COPG1: variants seen among roughly 807,000 people sequenced by gnomAD.
The protein encoded by COPG1 is coatomer subunit gamma-1.
In COPG1, 29 loss-of-function variants were observed where a neutral mutation model predicts 102.8. That is an observed-to-expected ratio of 0.28 (90% CI 0.21 to 0.38). The LOEUF (loss-of-function observed/expected upper bound fraction) is 0.38, where lower values mean the gene tolerates loss of function less well. COPG1 is among the 10% of genes least tolerant of loss of function. The pLI is 1.00. For synonymous variants in COPG1, 406 were observed against 421.6 expected, an observed-to-expected ratio of 0.96 and a Z score of 0.45; for missense variants, 875 against 1,132.7, an observed-to-expected ratio of 0.77 and a Z score of 3.27.
intron 16 of COPG1, 107 bp downstream of exon 16, chr3:129,268,147 GC>G (rs1560067136): frequency 6.2e-6 from 6 of 970,030 alleles, no homozygotes; most frequent in Non-Finnish European, 9.6e-6. Context: ...GGCTGGACTT[GC>G]CTGGCAACCT....
chr3:129,262,252 AAT>A (rs200485510), intron 12 of COPG1, among the ~76,000 whole-genome samples: 223 of 116,434 alleles, frequency 1.9e-3, no homozygotes, highest in African/African-American at 7.9e-3. Context: ...CATCTCTACA[AAT>A]TTTTTTTTTT....
chr3:129,270,484 G>A (rs1940162717), intron 18 of COPG1, among the ~76,000 whole-genome samples: 1 of 152,092 alleles, frequency 6.6e-6, no homozygotes, highest in Non-Finnish European at 1.5e-5. Flanking sequence ...CAGGGAGTAA[G>A]TATCAGGCCC....
chr3:129,277,602 T>TA lies in COPG1; in HGVS notation c.*178_*179insA. 1.7e-5 allele frequency: 1 copy of TA among 58,686 alleles called. No homozygotes were observed. The highest frequency in any genetic ancestry group is 3.0e-5 in the Non-Finnish European group (1 of 33,150). The allele number at this position is 58,686 out of a possible 1,614,324, so 3.6% of individuals were successfully genotyped here. A position where few individuals can be genotyped will look rare whatever the true frequency, so the allele number is the denominator to read the frequency against. ...CCACCCGGGACTACTTGCTGGTGAC[T>TA]TTTTTTTTTTTTTTTTTTAAATAGG... On this transcript the variant is annotated 3_prime_UTR_variant, in exon 24 of 24. Transcript: ENST00000314797.
At chr3:129,253,472 C>G (rs1323451460) in intron 5 of COPG1, among the ~76,000 whole-genome samples, 1 of 152,132 alleles carries the variant, frequency 6.6e-6, no homozygotes, top group Non-Finnish European at 1.5e-5. Context: ...GTGTGTAGCT[C>G]TGGGGATATA....
At chr3:129,261,693 C>G (rs1260548089) in intron 12 of COPG1, among the ~76,000 whole-genome samples, 2 of 152,066 alleles carry the variant, frequency 1.3e-5, no homozygotes, top group African/African-American at 4.8e-5. Context: ...CTGGCATGAC[C>G]CATAGAGCTC....
chr3:129,277,609 T>C lies in COPG1; in HGVS notation c.*185T>C. 1 of 542,966 alleles carries C rather than the reference T, an allele frequency of 1.8e-6. No individual in the cohort carries two copies. The highest frequency in any genetic ancestry group is 1.9e-5 in the African/African-American group (1 of 52,212). The allele number at this position is 542,966 out of a possible 1,614,324, so 33.6% of individuals were successfully genotyped here. On this transcript the variant is annotated 3_prime_UTR_variant, in exon 24 of 24. Coordinates refer to ENST00000314797, the MANE Select transcript of COPG1 (RefSeq NM_016128.4). ...GGACTACTTGCTGGTGACTTTTTTT[T>C]TTTTTTTTTTTAAATAGGGGATGAT...
At chr3:129,252,200 C>A in intron 2 of COPG1, 81 bp from the exon 3 acceptor site, 1 of 1,014,352 alleles carries the variant, frequency 9.9e-7, no homozygotes, top group South Asian at 1.3e-5. Context: ...TCAGTTTACC[C>A]TGAGACTTCT....
At chr3:129,259,839 G>A (rs1045760303) in intron 10 of COPG1, among the ~76,000 whole-genome samples, 4 of 152,220 alleles carry the variant, frequency 2.6e-5, no homozygotes, top group Non-Finnish European at 4.4e-5. Flanking sequence ...TTGGTGCCAA[G>A]GGGGAAGTTC....
intron 13 of COPG1, 37 bp downstream of exon 13, chr3:129,264,036 C>T: frequency 6.4e-7 from 1 of 1,552,792 alleles, no homozygotes; most frequent in East Asian, 2.2e-5. Flanking sequence ...GCCAGGTCTC[C>T]TGGTGCAGGG....
chr3:129,257,605 C>G lies in COPG1; in HGVS notation c.715C>G (p.Gln239Glu), dbSNP rs1443015169. ...CATGATGATCCGGGTGGCCAGCAAGCAGCTGGAAGAGGAGGATGGCAGGTA... is the reference window on the plus strand; with the variant it reads ...CATGATGATCCGGGTGGCCAGCAAGGAGCTGGAAGAGGAGGATGGCAGGTA... The part of the protein sequence containing the change: ...YCMMIRVASK[Q>E]LEEEDGSRDS... Residue 239 changes from glutamine to glutamate, a missense_variant, in exon 9 of 24, where the codon CAG (glutamine) becomes GAG (glutamate). By Grantham distance (29) the Gln-to-Glu change is conservative. Transcript: ENST00000314797. The G allele has an allele frequency of 1.2e-6, 2 of 1,614,120 alleles. No individual in the cohort carries two copies. Among genetic ancestry groups the G allele is most frequent in the African/African-American group, 1.3e-5 (1 of 74,938 alleles).
chr3:129,252,350 C>G lies in COPG1; in HGVS notation c.160C>G (p.Leu54Val). ...CAHILTKILYLINQGEHLGTT... is the reference protein window; with the variant it reads ...CAHILTKILYVINQGEHLGTT... Reference sequence around the variant, plus strand: ...CCACATCCTCACCAAGATTCTTTATCTCATAAACCAGGTAACAGGGTGAAG... The same window carrying G: ...CCACATCCTCACCAAGATTCTTTATGTCATAAACCAGGTAACAGGGTGAAG... Residue 54 changes from leucine (L) to valine (V), a missense_variant, in exon 3 of 24, where the codon CTC becomes GTC. Coordinates refer to ENST00000314797, the MANE Select transcript of COPG1 (RefSeq NM_016128.4). The G allele has an allele frequency of 1.9e-6, 3 of 1,610,360 alleles. No homozygotes were observed. In the South Asian group the frequency reaches 3.3e-5, roughly 18 times the overall value.
intron 21 of COPG1, chr3:129,274,199 G>A (rs78091247): frequency 0.06 from 24,402 of 405,018 alleles, 2,760 homozygotes; most frequent in African/African-American, 0.33. Flanking sequence ...AAAAAAAAAA[G>A]AGAGAGAGAG....
chr3:129,252,507 C>T (rs2107672435), intron 3 of COPG1, 116 bp from the exon 4 acceptor site: 1 of 1,048,818 alleles, frequency 9.5e-7, no homozygotes, highest in East Asian at 2.4e-5. Context: ...GCATCCAAGT[C>T]TCATATGTTG....
At position 129,267,037 on chromosome 3, in the gene COPG1, T is replaced by C. The variant is rs918301349; in HGVS notation, c.1482T>C (p.Ala494=). Reference sequence around the variant, plus strand: ...TCCTAAACACAGGTGCTGTGAGTGCTCTGGCGAAGTTTGGAGCCCAGAATG... The same window carrying C: ...TCCTAAACACAGGTGCTGTGAGTGCCCTGGCGAAGTTTGGAGCCCAGAATG... The part of the protein sequence containing the change: ...HEEVRAGAVS[A]LAKFGAQNEE... Residue 494 remains alanine (A), a synonymous_variant, in exon 15 of 24, where the codon GCT becomes GCC. Transcript: ENST00000314797. 6.2e-7 allele frequency: 1 copy of C among 1,613,742 alleles called. No individual in the cohort carries two copies. Among genetic ancestry groups the C allele is most frequent in the African/African-American group, 1.3e-5 (1 of 75,024 alleles).
rs1939839077 is a variant in COPG1 at position 129,257,638 on chromosome 3, T to G, written c.737+11T>G. The stretch of plus-strand genomic sequence containing the variant: ...AGAGGAGGATGGCAGGTAACGGCTC[T>G]CATCTCTCACCAGCTAGATGATGCC... On this transcript the variant is annotated intron_variant, in intron 9 of 23. Coordinates refer to ENST00000314797, the MANE Select transcript of COPG1 (RefSeq NM_016128.4). The G allele has an allele frequency of 6.2e-7, 1 of 1,614,204 alleles. No homozygotes were observed. Among genetic ancestry groups the G allele is most frequent in the South Asian group, 1.1e-5 (1 of 91,078 alleles).
rs1052814599 is a variant in COPG1 at position 129,252,296 on chromosome 3, G to C, written c.106G>C (p.Glu36Gln). ...TTCTTCTTAGGCCCGTGTATTTAAT[G>C]AAACTCCCATCAACCCTCGGAAATG... The part of the protein sequence containing the change: ...AVLQEARVFN[E>Q]TPINPRKCAH... The change falls in exon 3 of 24, where the codon GAA (glutamate) becomes CAA (glutamine). Residue 36 changes from glutamate (E) to glutamine (Q), a missense_variant. Physicochemically the swap from Glu to Gln is conservative, Grantham distance 29 (BLOSUM62 2). Coordinates refer to ENST00000314797, the MANE Select transcript of COPG1 (RefSeq NM_016128.4). The C allele has an allele frequency of 3.1e-6, 5 of 1,610,834 alleles. No individual in the cohort carries two copies. The highest frequency in any genetic ancestry group is 1.7e-5 in the Admixed American group (1 of 59,992).
At chr3:129,258,933 G>A (rs1262005867) in intron 10 of COPG1, among the ~76,000 whole-genome samples, 2 of 152,210 alleles carry the variant, frequency 1.3e-5, no homozygotes, top group Non-Finnish European at 2.9e-5. Context: ...TAGAAAAGGA[G>A]AGGTGCTTAG....
At chr3:129,254,023 G>A (rs1427237007) in intron 5 of COPG1, among the ~76,000 whole-genome samples, 2 of 150,022 alleles carry the variant, frequency 1.3e-5, no homozygotes, top group East Asian at 3.9e-4. Flanking sequence ...AAAAAGCCAG[G>A]AGTGATGGCT....
At chr3:129,273,420 A>G (rs536640340) in intron 21 of COPG1, among the ~76,000 whole-genome samples, 27 of 152,282 alleles carry the variant, frequency 1.8e-4, no homozygotes, top group Non-Finnish European at 3.1e-4. Flanking sequence ...TATGAACAAC[A>G]GGAAAACATT....
Sources: allele counts gnomAD v4.1 joint callset (sites outside exome capture counted in the v4.1 genomes callset), GRCh38; gene constraint gnomAD v4.1.1; transcripts MANE v1.5; gene names NCBI Gene and HGNC (gene_info 2026-07-23, HGNC 2026-07-21).